The following FKBP3 variants were observed in gnomAD, a reference collection of about 807,000 sequenced individuals.
The protein encoded by FKBP3 is FKBP prolyl isomerase 3, also known as peptidyl-prolyl cis-trans isomerase FKBP3.
FKBP3 carries 21 observed loss-of-function variants against 30.6 expected under a neutral mutation model. The observed-to-expected ratio is 0.69, with a 90% CI of 0.49 to 0.99. The LOEUF is 0.99. Among genes scored for constraint, FKBP3 ranks in the 50% least tolerant of loss-of-function variants. The pLI is 0.00. For synonymous variants in FKBP3, 82 were observed against 91.3 expected (o/e 0.90, Z 0.58); for missense variants, 283 against 261.6 (o/e 1.08, Z -0.56).
In FKBP3 at chr14:45,121,474, T is replaced by G. The variant is rs772604726; in HGVS notation, c.454+11A>C. ...TTTAAGCCAAAAACATAAGATTCCA[T>G]TTAGACTTACTTGTTTGAATATTAG... On this transcript the variant is annotated intron_variant, in intron 4 of 6. Transcript: ENST00000396062. The G allele has an allele frequency of 6.2e-7, 1 of 1,608,648 alleles. No homozygotes were observed. The highest frequency in any genetic ancestry group is 8.5e-7 in the Non-Finnish European group (1 of 1,176,984).
chr14:45,125,939 A>ACC (rs199895805), intron 3 of FKBP3, among the ~76,000 whole-genome samples: 3,138 of 151,878 alleles, frequency 0.021, 116 homozygotes, highest in African/African-American at 0.072. Flanking sequence ...TTACTCTGCC[A>ACC]CCTAGGCAGT....
rs144146093 is a variant in FKBP3, at chr14:45,133,685, A to G, written c.108+664T>C. ...CTATAGACGGATGGTTAAGATGGAG[A>G]CTATGCTGACAAATGGAGAGCCTAC... is the stretch of plus-strand genomic sequence containing the variant. On this transcript the variant is annotated intron_variant, in intron 1 of 6. Coordinates refer to ENST00000396062, the MANE Select transcript of FKBP3 (RefSeq NM_002013.4). Among the ~76,000 whole-genome samples the G allele has an allele frequency of 3.8e-3, 582 of 152,310 alleles. 2 individuals carry two copies. Among genetic ancestry groups the G allele is most frequent in the Middle Eastern group, 6.8e-3 (2 of 294 alleles).
At position 45,129,860 on chromosome 14, in the gene FKBP3, T is replaced by G; in HGVS notation, c.252A>C (p.Gln84His). 1.2e-6 allele frequency: 2 copies of G among 1,613,222 alleles called. No individual in the cohort carries two copies. The highest frequency in any genetic ancestry group is 2.2e-5 in the South Asian group (2 of 91,014). Reference protein sequence around the residue: ...GTESISKVSEQVKNVKLNEDK... With the variant: ...GTESISKVSEHVKNVKLNEDK... Reference sequence around the variant, plus strand: ...CTTCATTAAGCTTCACATTTTTTACTTGCTCAGACACTTTACTTATACTTT... The same window carrying G: ...CTTCATTAAGCTTCACATTTTTTACGTGCTCAGACACTTTACTTATACTTT... The change falls in exon 3 of 7, where the codon CAA becomes CAC. Residue 84 changes from glutamine to histidine, a missense_variant. Physicochemically the swap from Gln to His is conservative, Grantham distance 24 (BLOSUM62 0). Coordinates refer to ENST00000396062, the MANE Select transcript of FKBP3 (RefSeq NM_002013.4).
intron 3 of FKBP3, 34 bp from the exon 4 acceptor site, chr14:45,121,654 TATTA>T: frequency 6.3e-7 from 1 of 1,597,812 alleles, no homozygotes. Flanking sequence ...CACACAGAGT[TATTA>T]ATTTGTGTCC....
intron 1 of FKBP3, chr14:45,133,503 T>G (rs1412195621): frequency 6.4e-6 from 1 of 155,274 alleles, no homozygotes; most frequent in Non-Finnish European, 1.5e-5. Context: ...ACAGTTTTTC[T>G]AAATGAAAAG....
Position 45,121,506 on chromosome 14 carries a change from A to G in FKBP3, c.433T>C (p.Phe145Leu). The change falls in exon 4 of 7, where the codon TTT (phenylalanine) becomes CTT (leucine). Residue 145 changes from phenylalanine to leucine, a missense_variant. Phe to Leu is a conservative substitution (Grantham distance 22). Coordinates refer to ENST00000396062, the MANE Select transcript of FKBP3 (RefSeq NM_002013.4). ...YTGTLQDGTV[F>L]DTNIQTSAKK... ...TTACTTGTTTGAATATTAGTATCAA[A>G]AACAGTCCCATCTTGTAGTGTTCCT... 1 of 1,612,794 alleles carries G rather than the reference A, an allele frequency of 6.2e-7. No individual in the cohort carries two copies. Among genetic ancestry groups the G allele is most frequent in the South Asian group, 1.1e-5 (1 of 90,940 alleles).
chr14:45,118,038 G>A lies in FKBP3; in HGVS notation c.610C>T (p.Pro204Ser). 1.3e-6 allele frequency: 2 copies of A among 1,598,274 alleles called. No homozygotes were observed. Among genetic ancestry groups the A allele is most frequent in the African/African-American group, 1.4e-5 (1 of 73,796 alleles). ...PEWAYGKKGQPDAKIPPNAKL... is the reference protein window; with the variant it reads ...PEWAYGKKGQSDAKIPPNAKL... ...GGGAAAAAAGGATACTTGGCATCAG[G>A]CTGTCCTTTCTTTCCGTAAGCCCAT... Residue 204 changes from proline to serine, a missense_variant, in exon 6 of 7, where the codon CCT (proline) becomes TCT (serine). Physicochemically the swap from Pro to Ser is moderately conservative, Grantham distance 74. Coordinates refer to ENST00000396062, the MANE Select transcript of FKBP3 (RefSeq NM_002013.4).
At chr14:45,118,277 C>T (rs747297527) in intron 5 of FKBP3, 152 bp from the exon 6 acceptor site, 72 of 511,528 alleles carry the variant, frequency 1.4e-4, no homozygotes, top group Non-Finnish European at 2.4e-4. Context: ...TCAGTGAGTC[C>T]CTAAATCTTT....
intron 3 of FKBP3, among the ~76,000 whole-genome samples, chr14:45,126,319 C>G (rs552155465): frequency 1.3e-5 from 2 of 151,740 alleles, no homozygotes; most frequent in Non-Finnish European, 2.9e-5. Flanking sequence ...GAAACCCTGT[C>G]TCTACTAAAA....
At chr14:45,126,566 T>C (rs1885103474) in intron 3 of FKBP3, among the ~76,000 whole-genome samples, 1 of 152,064 alleles carries the variant, frequency 6.6e-6, no homozygotes, top group South Asian at 2.1e-4. Flanking sequence ...TTTGGAAGTT[T>C]TGAATGCCAA....
intron 1 of FKBP3, among the ~76,000 whole-genome samples, chr14:45,133,056 C>A (rs1276855353): frequency 6.6e-6 from 1 of 152,140 alleles, no homozygotes; most frequent in African/African-American, 2.4e-5. Context: ...TTAATATCTG[C>A]TAAATTAATC....
chr14:45,133,421 C>A, intron 1 of FKBP3: 1 of 205,598 alleles, frequency 4.9e-6, no homozygotes, highest in Non-Finnish European at 1.1e-5. Context: ...GAGCCGAGAT[C>A]GCGCCACTGC....
chr14:45,128,063 G>A (rs1885137989), intron 3 of FKBP3, among the ~76,000 whole-genome samples: 1 of 151,770 alleles, frequency 6.6e-6, no homozygotes, highest in Non-Finnish European at 1.5e-5. Flanking sequence ...GAGTCCAGGG[G>A]CAGTGGCTCA....
intron 1 of FKBP3, among the ~76,000 whole-genome samples, 169 bp downstream of exon 1, chr14:45,134,180 G>C (rs1223582735): frequency 1.3e-5 from 2 of 152,250 alleles, no homozygotes; most frequent in Non-Finnish European, 2.9e-5. Flanking sequence ...ACGCCCGAGA[G>C]GCGGGAGCGA....
intron 5 of FKBP3, among the ~76,000 whole-genome samples, chr14:45,119,349 G>A (rs1179927817): frequency 1.3e-5 from 2 of 152,140 alleles, no homozygotes; most frequent in Admixed American, 6.5e-5. Flanking sequence ...GATGAAGAGG[G>A]CGATCACTTG....
chr14:45,130,916 G>A, intron 1 of FKBP3, 116 bp from the exon 2 acceptor site: 1 of 558,796 alleles, frequency 1.8e-6, no homozygotes, highest in Non-Finnish European at 3.2e-6. Flanking sequence ...TAGTACTGAA[G>A]AAGAAATAAA....
chr14:45,125,079 G>C (rs772509832), intron 3 of FKBP3, among the ~76,000 whole-genome samples: 7 of 152,138 alleles, frequency 4.6e-5, no homozygotes, highest in Non-Finnish European at 1.0e-4. Context: ...ACCACACTTG[G>C]CTAATTTTTG....
intron 2 of FKBP3, among the ~76,000 whole-genome samples, chr14:45,130,110 C>T (rs999237399): frequency 6.6e-6 from 1 of 152,164 alleles, no homozygotes; most frequent in Non-Finnish European, 1.5e-5. Flanking sequence ...TACCCTCAAA[C>T]CAGCTTACAA....
chr14:45,133,054 T>C (rs761036014), intron 1 of FKBP3, among the ~76,000 whole-genome samples: 2 of 152,234 alleles, frequency 1.3e-5, no homozygotes, highest in Non-Finnish European at 2.9e-5. Context: ...TATTAATATC[T>C]GCTAAATTAA....
Sources: allele counts gnomAD v4.1 joint callset (sites outside exome capture counted in the v4.1 genomes callset), GRCh38; gene constraint gnomAD v4.1.1; transcripts MANE v1.5; gene names NCBI Gene and HGNC (gene_info 2026-07-23, HGNC 2026-07-21).